Variants in TSPAN18 observed in about 807,000 individuals in gnomAD.
TSPAN18 encodes tetraspanin-18.
A neutral mutation model predicts 27.3 loss-of-function variants in TSPAN18; 14 were observed. The ratio of observed to expected loss-of-function variants is 0.51; its 90% CI spans 0.34 to 0.80. TSPAN18 has a LOEUF of 0.80. Ranked by LOEUF, TSPAN18 falls within the 30% of genes least tolerant of loss-of-function variation. TSPAN18 has a pLI of 0.01. For synonymous variants in TSPAN18, 143 were observed against 136.5 expected (o/e 1.05, Z -0.33); for missense variants, 268 against 323.9 (o/e 0.83, Z 1.32).
At chr11:44,744,228 T>C (rs1855018812) in intron 1 of TSPAN18, among the ~76,000 whole-genome samples, 1 of 152,222 alleles carries the variant, frequency 6.6e-6, no homozygotes, top group African/African-American at 2.4e-5. Context: ...TTTTCAGGGA[T>C]GTCAGATCAC....
intron 2 of TSPAN18, among the ~76,000 whole-genome samples, chr11:44,825,593 T>C (rs553357984): frequency 6.6e-6 from 1 of 152,272 alleles, no homozygotes; most frequent in African/African-American, 2.4e-5. Context: ...GGACCCCTCC[T>C]GTGTGAAGTC....
chr11:44,908,790 A>G (rs900865200), intron 4 of TSPAN18, among the ~76,000 whole-genome samples: 1 of 94,516 alleles, frequency 1.1e-5, no homozygotes, highest in South Asian at 3.7e-4. Context: ...AAAGAAAGAA[A>G]GAAAGAAAGA....
intron 4 of TSPAN18, among the ~76,000 whole-genome samples, chr11:44,909,172 T>C (rs1859615467): frequency 6.6e-6 from 1 of 152,152 alleles, no homozygotes; most frequent in Non-Finnish European, 1.5e-5. Context: ...GACGATGACT[T>C]GGTCTGTGTC....
chr11:44,894,040 G>A (rs1421308165), intron 3 of TSPAN18, among the ~76,000 whole-genome samples: 1 of 152,198 alleles, frequency 6.6e-6, no homozygotes, highest in Non-Finnish European at 1.5e-5. Flanking sequence ...GGCAGCCCTT[G>A]GTCCCTATGC....
intron 1 of TSPAN18, chr11:44,736,759 G>C (rs1187751000): frequency 2.6e-5 from 4 of 152,158 alleles, no homozygotes; most frequent in African/African-American, 9.7e-5. Context: ...CACAGCGCCT[G>C]GGTTCAAATG....
chr11:44,783,430 G>A lies in TSPAN18; in HGVS notation c.-153+18918G>A, dbSNP rs147299682. ...TTTTTTTTTAGTGAGACGGAGTCTCGCTCTGTCGCCCAGGCTGGAGTGCAG... is the reference window on the plus strand; with the variant it reads ...TTTTTTTTTAGTGAGACGGAGTCTCACTCTGTCGCCCAGGCTGGAGTGCAG... On this transcript the variant is annotated intron_variant, in intron 2 of 9. Transcript: ENST00000520358. Among the ~76,000 whole-genome samples the A allele has an allele frequency of 3.0e-3, 444 of 150,090 alleles. 2 individuals carry two copies. Among genetic ancestry groups the A allele is most frequent in the African/African-American group, 0.01 (408 of 40,792 alleles).
intron 3 of TSPAN18, among the ~76,000 whole-genome samples, chr11:44,900,959 T>A (rs939527305): frequency 1.3e-5 from 2 of 152,110 alleles, no homozygotes; most frequent in Admixed American, 1.3e-4. Context: ...CCTCCCAAAG[T>A]GCTGGGATTA....
chr11:44,861,557 G>GGAT (rs34182945), intron 3 of TSPAN18, among the ~76,000 whole-genome samples: 74,374 of 143,050 alleles, frequency 0.52, 20,062 homozygotes, highest in East Asian at 0.75. Flanking sequence ...GCATGAGAGG[G>GGAT]GATGGACTTG....
At position 44,778,954 on chromosome 11, in the gene TSPAN18, G is replaced by A. The variant is rs563502161; in HGVS notation, c.-153+14442G>A. Among the ~76,000 whole-genome samples the A allele has an allele frequency of 1.0e-3, 157 of 152,228 alleles. 1 individual carries two copies. Among genetic ancestry groups the A allele is most frequent in the Non-Finnish European group, 4.0e-4 (27 of 68,000 alleles). On this transcript the variant is annotated intron_variant, in intron 2 of 9. Coordinates refer to ENST00000520358, the MANE Select transcript of TSPAN18 (RefSeq NM_130783.5). ...GTCTTGGTCTCTGGGCCCACACACC[G>A]GGCATCCTCCCAGGATGGTTAGATG...
intron 2 of TSPAN18, among the ~76,000 whole-genome samples, chr11:44,856,894 C>T (rs897315757): frequency 6.8e-6 from 1 of 146,980 alleles, no homozygotes; most frequent in African/African-American, 2.5e-5. Context: ...TCTTCTTGAT[C>T]AGTGACTCAA....
chr11:44,819,763 G>A (rs1276901784), intron 2 of TSPAN18, among the ~76,000 whole-genome samples: 1 of 147,154 alleles, frequency 6.8e-6, no homozygotes, highest in Non-Finnish European at 1.5e-5. Context: ...TCTCATGCCA[G>A]TGCTCTGTCA....
At chr11:44,863,020 C>T (rs530647093) in intron 3 of TSPAN18, among the ~76,000 whole-genome samples, 1 of 152,260 alleles carries the variant, frequency 6.6e-6, no homozygotes, top group African/African-American at 2.4e-5. Context: ...ACTCAACAGG[C>T]ACCTCAGAGG....
intron 3 of TSPAN18, among the ~76,000 whole-genome samples, chr11:44,897,553 T>A (rs984249935): frequency 6.6e-6 from 1 of 152,190 alleles, no homozygotes; most frequent in Non-Finnish European, 1.5e-5. Context: ...GGAGCTGCCA[T>A]CTGGGCAGAA....
intron 1 of TSPAN18, among the ~76,000 whole-genome samples, chr11:44,750,284 G>C (rs1197153165): frequency 1.3e-5 from 2 of 152,102 alleles, no homozygotes; most frequent in African/African-American, 4.8e-5. Context: ...CACTTACTTA[G>C]CAGCTGACAT....
At chr11:44,921,990 C>T (rs538385387) in intron 8 of TSPAN18, among the ~76,000 whole-genome samples, 1 of 152,258 alleles carries the variant, frequency 6.6e-6, no homozygotes, top group African/African-American at 2.4e-5. Context: ...GAGACTGGCT[C>T]CTGGGGTTTC....
chr11:44,913,075 A>G (rs951850910), intron 5 of TSPAN18, among the ~76,000 whole-genome samples: 1 of 152,238 alleles, frequency 6.6e-6, no homozygotes, highest in Non-Finnish European at 1.5e-5. Context: ...GGTGGTTCCA[A>G]CCGAAGAGGG....
At chr11:44,782,900 C>A (rs1474563251) in intron 2 of TSPAN18, among the ~76,000 whole-genome samples, 1 of 152,160 alleles carries the variant, frequency 6.6e-6, no homozygotes, top group Non-Finnish European at 1.5e-5. Flanking sequence ...AAGATCTTGG[C>A]TCACTGTAGC....
chr11:44,852,827 G>C (rs1342248716), intron 2 of TSPAN18, among the ~76,000 whole-genome samples: 2 of 152,234 alleles, frequency 1.3e-5, no homozygotes, highest in Non-Finnish European at 2.9e-5. Context: ...AAGGAACCAA[G>C]ATGGTCTGCA....
chr11:44,896,866 A>G (rs1859076627), intron 3 of TSPAN18, among the ~76,000 whole-genome samples: 1 of 152,138 alleles, frequency 6.6e-6, no homozygotes, highest in African/African-American at 2.4e-5. Flanking sequence ...AGCCCCTGGC[A>G]CATAGTAGCA....
Sources: allele counts gnomAD v4.1 joint callset (sites outside exome capture counted in the v4.1 genomes callset), GRCh38; gene constraint gnomAD v4.1.1; transcripts MANE v1.5; gene names NCBI Gene and HGNC (gene_info 2026-07-23, HGNC 2026-07-21).